The following CDK10 variants were observed in gnomAD, a reference collection of about 807,000 sequenced individuals.
The protein encoded by CDK10 is cyclin dependent kinase 10.
A neutral mutation model predicts 51.0 loss-of-function variants in CDK10; 55 were observed. The observed-to-expected ratio is 1.08, with a 90% CI of 0.87 to 1.35. The LOEUF (loss-of-function observed/expected upper bound fraction) is 1.35, where lower values mean the gene tolerates loss of function less well. CDK10 is among the 40% of genes most tolerant of loss of function. The pLI is 0.00. For synonymous variants in CDK10, 255 were observed against 199.1 expected, an observed-to-expected ratio of 1.28 and a Z score of -2.36; for missense variants, 589 against 485.1, an observed-to-expected ratio of 1.21 and a Z score of -2.01.
chr16:89,690,327 G>C (rs561713883), intron 2 of CDK10: 1 of 578,032 alleles, frequency 1.7e-6, no homozygotes, highest in African/African-American at 1.9e-5. Flanking sequence ...GTCCAGCACA[G>C]AGCAAAGTTG....
intron 9 of CDK10, 172 bp from the exon 10 acceptor site, chr16:89,694,493 G>T: frequency 8.1e-7 from 1 of 1,235,188 alleles, no homozygotes; most frequent in Admixed American, 2.0e-5. Flanking sequence ...GGAGGCCTGC[G>T]GGGCCCAGGA....
chr16:89,695,778 A>G lies in CDK10; in HGVS notation c.*86A>G. ...AAGGGTGCCGCGAGCCAGGCTGACCAGGCGCCCGGGATCCAGCTCATCCCC... is the reference window on the plus strand; with the variant it reads ...AAGGGTGCCGCGAGCCAGGCTGACCGGGCGCCCGGGATCCAGCTCATCCCC... On this transcript the variant is annotated 3_prime_UTR_variant, in exon 13 of 13. Transcript: ENST00000353379. The G allele has an allele frequency of 1.3e-6, 2 of 1,579,874 alleles. No homozygotes were observed. Among genetic ancestry groups the G allele is most frequent in the East Asian group, 2.3e-5 (1 of 43,752 alleles).
In CDK10 at chr16:89,691,842, G is replaced by A; in HGVS notation, c.372G>A (p.Leu124=). 1 of 1,614,114 alleles carries A rather than the reference G, an allele frequency of 6.2e-7. No homozygotes were observed. Among genetic ancestry groups the A allele is most frequent in the Non-Finnish European group, 8.5e-7 (1 of 1,180,002 alleles). Residue 124 remains leucine (L), a synonymous_variant, in exon 5 of 13, where the codon CTG becomes CTA. Transcript: ENST00000353379. ...TGATGGGTTACTGTGAGCAGGACCT[G>A]GCCAGCCTCCTGGAGAATATGCCAA... is the stretch of plus-strand genomic sequence containing the variant. ...FLVMGYCEQD[L]ASLLENMPTP... is the part of the protein sequence containing the mutation.
At chr16:89,688,258 AT>A (rs1248193878) in intron 1 of CDK10, among the ~76,000 whole-genome samples, 1 of 151,426 alleles carries the variant, frequency 6.6e-6, no homozygotes, top group African/African-American at 2.4e-5. Context: ...ATTTTTTCAT[AT>A]TTTTAGTAGA....
At chr16:89,687,703 C>T (rs2060260448) in intron 1 of CDK10, 2 of 416,834 alleles carry the variant, frequency 4.8e-6, no homozygotes, top group Non-Finnish European at 9.8e-6. Flanking sequence ...GCTGGAATTA[C>T]AGGCGTGAGC....
Position 89,693,448 on chromosome 16 carries a change from C to T in CDK10, c.589C>T (p.Pro197Ser). The change falls in exon 8 of 13, where the codon CCC becomes TCC. Residue 197 changes from proline to serine, a missense_variant. Pro to Ser is a moderately conservative substitution (Grantham distance 74). Coordinates refer to ENST00000353379, the MANE Select transcript of CDK10 (RefSeq NM_052988.5). ...AYGVPVKPMT[P>S]KVVTLWYRAP... ...TGGTGTCCCAGTAAAGCCAATGACC[C>T]CCAAGGTGGTCACTCTCTGGTAAGT... 1 of 1,614,144 alleles carries T rather than the reference C, an allele frequency of 6.2e-7. No individual in the cohort carries two copies. Among genetic ancestry groups the T allele is most frequent in the Non-Finnish European group, 8.5e-7 (1 of 1,180,018 alleles).
Position 89,695,666 on chromosome 16 carries a change from G to A in CDK10, c.1057G>A (p.Gly353Ser). ...NKRAAPATSE[G>S]QSKRCKP ...GCGGGCCGCCCCAGCCACCTCCGAG[G>A]GCCAGAGCAAGCGCTGTAAACCCTG... Residue 353 changes from glycine (G) to serine (S), a missense_variant, in exon 13 of 13, where the codon GGC becomes AGC. Gly to Ser is a moderately conservative substitution (Grantham distance 56, BLOSUM62 0). Coordinates refer to ENST00000353379, the MANE Select transcript of CDK10 (RefSeq NM_052988.5). The A allele has an allele frequency of 6.2e-7, 1 of 1,602,254 alleles. No individual in the cohort carries two copies. Among genetic ancestry groups the A allele is most frequent in the South Asian group, 1.1e-5 (1 of 89,316 alleles).
chr16:89,695,416 T>A, intron 12 of CDK10, 71 bp downstream of exon 12: 1 of 1,541,510 alleles, frequency 6.5e-7, no homozygotes, highest in Non-Finnish European at 8.9e-7. Flanking sequence ...GGGTGGGTGG[T>A]GGAGAAGTGG....
At position 89,694,975 on chromosome 16, in the gene CDK10, G is replaced by A. The variant is rs754790195; in HGVS notation, c.837G>A (p.Lys279=). Residue 279 remains lysine, a synonymous_variant, in exon 11 of 13, where the codon AAG becomes AAA. Coordinates refer to ENST00000353379, the MANE Select transcript of CDK10 (RefSeq NM_052988.5). ...LPLVGQYSLR[K]QPYNNLKHKF... is the part of the protein sequence containing the mutation. ...TGGTCGGCCAGTACAGCCTCCGGAAGCAGCCCTACAACAACCTGAAGCACA... is the reference window on the plus strand; with the variant it reads ...TGGTCGGCCAGTACAGCCTCCGGAAACAGCCCTACAACAACCTGAAGCACA... 12 of 1,613,416 alleles carry A rather than the reference G, an allele frequency of 7.4e-6. No individual in the cohort carries two copies. In the South Asian group the frequency reaches 1.3e-4, roughly 18 times the overall value.
intron 9 of CDK10, 184 bp from the exon 10 acceptor site, chr16:89,694,481 C>T (rs527650373): frequency 1.4e-4 from 157 of 1,118,234 alleles, no homozygotes; most frequent in East Asian, 4.9e-4. Flanking sequence ...CTTGTCACCC[C>T]GGGAGGCCTG....
chr16:89,693,232 G>T, intron 6 of CDK10, 42 bp from the exon 7 acceptor site: 1 of 1,604,444 alleles, frequency 6.2e-7, no homozygotes, highest in African/African-American at 1.3e-5. Flanking sequence ...CTCAGCCCCT[G>T]TGGCCCTCTG....
chr16:89,693,599 C>A, intron 8 of CDK10, 132 bp downstream of exon 8: 1 of 886,840 alleles, frequency 1.1e-6, no homozygotes, highest in Non-Finnish European at 1.8e-6. Flanking sequence ...CACTCAGAAA[C>A]GTTGGGTCTA....
Position 89,695,689 on chromosome 16 carries a change from C to G in CDK10, c.1080C>G (p.Pro360=). The part of the protein sequence containing the change: ...TSEGQSKRCK[P] ...AGGGCCAGAGCAAGCGCTGTAAACC[C>G]TGACGGTGGGCCTGGCACACGCCTG... Residue 360 remains proline, a synonymous_variant, in exon 13 of 13, where the codon CCC becomes CCG. Coordinates refer to ENST00000353379, the MANE Select transcript of CDK10 (RefSeq NM_052988.5). 14 of 1,596,014 alleles carry G rather than the reference C, an allele frequency of 8.8e-6. No individual in the cohort carries two copies. Among genetic ancestry groups the G allele is most frequent in the Non-Finnish European group, 1.2e-5 (14 of 1,173,612 alleles).
At chr16:89,695,254 G>T (rs747535736) in intron 11 of CDK10, 39 bp from the exon 12 acceptor site, 6 of 1,584,222 alleles carry the variant, frequency 3.8e-6, no homozygotes, top group South Asian at 1.1e-5. Context: ...TGAGGAAGCC[G>T]CACTCACAAG....
At chr16:89,693,709 G>A in intron 8 of CDK10, 1 of 583,686 alleles carries the variant, frequency 1.7e-6, no homozygotes, top group South Asian at 2.0e-5. Flanking sequence ...CTCGCCTTGA[G>A]AGCTGGAAAC....
At chr16:89,692,971 AC>A (rs1388017051) in intron 6 of CDK10, among the ~76,000 whole-genome samples, 1 of 151,600 alleles carries the variant, frequency 6.6e-6, no homozygotes, top group East Asian at 1.9e-4. Flanking sequence ...CCCCATCTCT[AC>A]TAAAAATACA....
At chr16:89,695,369 C>T (rs372205635) in intron 12 of CDK10, 24 bp downstream of exon 12, 99 of 1,606,040 alleles carry the variant, frequency 6.2e-5, no homozygotes, top group East Asian at 2.9e-4. Flanking sequence ...GTTCCTGACT[C>T]GCTCTGTGGG....
Position 89,694,808 on chromosome 16 carries a change from CCGCAGCCCCCGCCCG to C in CDK10, c.792+21_792+35del. On this transcript the variant is annotated intron_variant, in intron 10 of 12. Coordinates refer to ENST00000353379, the MANE Select transcript of CDK10 (RefSeq NM_052988.5). Reference sequence around the variant, plus strand: ...TGGCCGGTGGGCGTCCTGGGCAGACCCGCAGCCCCCGCCCGTGCCCACGCCCTCTGCGCCCGCAGC... The same window carrying C: ...TGGCCGGTGGGCGTCCTGGGCAGACCTGCCCACGCCCTCTGCGCCCGCAGC... 1 of 1,212,222 alleles carries C rather than the reference CCGCAGCCCCCGCCCG, an allele frequency of 8.2e-7. No homozygotes were observed. The highest frequency in any genetic ancestry group is 1.1e-6 in the Non-Finnish European group (1 of 923,446). 75.1% of individuals were successfully genotyped at this position (1,212,222 alleles called of 1,614,324 possible). A position where few individuals can be genotyped will look rare whatever the true frequency, so the allele number is the denominator to read the frequency against.
chr16:89,693,255 C>A lies in CDK10; in HGVS notation c.486-19C>A. On this transcript the variant is annotated intron_variant, in intron 6 of 12. Coordinates refer to ENST00000353379, the MANE Select transcript of CDK10 (RefSeq NM_052988.5). ...CTGTGGCCCTCTGGGAGCCACCTGC[C>A]ACTGTTTTTCCATCACAGGGACCTG... 1 of 1,613,876 alleles carries A rather than the reference C, an allele frequency of 6.2e-7. No homozygotes were observed. The highest frequency in any genetic ancestry group is 1.3e-5 in the African/African-American group (1 of 75,036).
Sources: gnomAD v4.1 joint callset for allele counts (sites outside exome capture counted in the v4.1 genomes callset) on GRCh38, gnomAD v4.1.1 for gene constraint, MANE v1.5 for transcripts, NCBI Gene and HGNC (gene_info 2026-07-23, HGNC 2026-07-21) for gene names.